Variants in LUZP2 observed in about 807,000 individuals in gnomAD.
The protein encoded by LUZP2 is leucine zipper protein 2.
In LUZP2, 52 loss-of-function variants were observed where a neutral mutation model predicts 51.6. That is an observed-to-expected ratio of 1.01 (90% CI 0.81 to 1.27). The LOEUF is 1.27. Ranked by LOEUF, LUZP2 falls within the 50% of genes most tolerant of loss-of-function variation. LUZP2 has a pLI of 0.00. For missense variants in LUZP2, 436 were observed against 395.4 expected (o/e 1.10, Z -0.87); for synonymous variants, 154 against 137.3 (o/e 1.12, Z -0.85).
intron 1 of LUZP2, among the ~76,000 whole-genome samples, chr11:24,560,625 A>C (rs1347078331): frequency 2.0e-5 from 3 of 151,806 alleles, no homozygotes; most frequent in Non-Finnish European, 2.9e-5. Context: ...ATCCCCAAAG[A>C]CTCTTTTAAA....
intron 1 of LUZP2, among the ~76,000 whole-genome samples, chr11:24,614,800 C>A (rs1274527084): frequency 1.3e-5 from 2 of 151,944 alleles, no homozygotes; most frequent in African/African-American, 2.4e-5. Context: ...GCTTTCTTTA[C>A]CTTTGTACAC....
chr11:25,061,601 G>T (rs2134040337), intron 10 of LUZP2, among the ~76,000 whole-genome samples: 1 of 152,080 alleles, frequency 6.6e-6, no homozygotes, highest in East Asian at 1.9e-4. Context: ...GCAGATCTTG[G>T]GTACTTTACT....
At chr11:24,732,852 T>A (rs1858763810) in intron 3 of LUZP2, among the ~76,000 whole-genome samples, 1 of 151,780 alleles carries the variant, frequency 6.6e-6, no homozygotes, top group Non-Finnish European at 1.5e-5. Flanking sequence ...TCTTCACAAC[T>A]ACCTTGTGAA....
intron 5 of LUZP2, among the ~76,000 whole-genome samples, chr11:24,866,312 A>G (rs930278004): frequency 1.9e-4 from 29 of 152,198 alleles, no homozygotes; most frequent in African/African-American, 6.8e-4. Flanking sequence ...AGACTGAATA[A>G]TCTCATGGGC....
chr11:25,050,446 A>G (rs972123246), intron 10 of LUZP2, among the ~76,000 whole-genome samples: 1 of 151,424 alleles, frequency 6.6e-6, no homozygotes, highest in Non-Finnish European at 1.5e-5. Context: ...CTGGGACTAC[A>G]GGCGCCCGCC....
intron 2 of LUZP2, 145 bp from the exon 3 acceptor site, chr11:24,731,973 G>T: frequency 1.9e-6 from 1 of 540,118 alleles, no homozygotes; most frequent in Non-Finnish European, 3.2e-6. Context: ...TTACATCCTT[G>T]GAGCCGTGAG....
chr11:24,822,817 A>G (rs994003519), intron 5 of LUZP2, among the ~76,000 whole-genome samples: 1 of 152,224 alleles, frequency 6.6e-6, no homozygotes. Flanking sequence ...TTTCAGTAGC[A>G]TTAATGGTGG....
intron 1 of LUZP2, among the ~76,000 whole-genome samples, chr11:24,627,657 G>A (rs1854730001): frequency 6.6e-6 from 1 of 152,134 alleles, no homozygotes; most frequent in Non-Finnish European, 1.5e-5. Flanking sequence ...ACCCACCTCT[G>A]GAAGGATTCT....
intron 1 of LUZP2, among the ~76,000 whole-genome samples, chr11:24,619,004 C>CATT (rs201800098): frequency 4.2e-3 from 558 of 133,398 alleles, no homozygotes; most frequent in South Asian, 0.011. Context: ...AACCACTTAG[C>CATT]ATTATTTATT....
intron 5 of LUZP2, among the ~76,000 whole-genome samples, chr11:24,860,187 C>T (rs945397490): frequency 1.3e-5 from 2 of 152,214 alleles, no homozygotes; most frequent in African/African-American, 4.8e-5. Flanking sequence ...CATCTGTGGT[C>T]AGAGTGCTCA....
At chr11:24,561,568 A>C (rs1852042066) in intron 1 of LUZP2, among the ~76,000 whole-genome samples, 1 of 152,170 alleles carries the variant, frequency 6.6e-6, no homozygotes, top group African/African-American at 2.4e-5. Flanking sequence ...ACCAGAACAG[A>C]GAACCAAACA....
At chr11:24,526,359 G>T (rs1160098094) in intron 1 of LUZP2, among the ~76,000 whole-genome samples, 1 of 150,424 alleles carries the variant, frequency 6.6e-6, no homozygotes, top group African/African-American at 2.4e-5. Context: ...ATTCAGTTGT[G>T]ATTCATTGAC....
intron 9 of LUZP2, among the ~76,000 whole-genome samples, chr11:25,038,318 A>G (rs1590864049): frequency 6.6e-6 from 1 of 152,276 alleles, no homozygotes; most frequent in South Asian, 2.1e-4. Flanking sequence ...TTACAGTTGT[A>G]TTATGAAATT....
At chr11:24,741,006 A>T (rs1859117935) in intron 4 of LUZP2, among the ~76,000 whole-genome samples, 1 of 152,100 alleles carries the variant, frequency 6.6e-6, no homozygotes, top group African/African-American at 2.4e-5. Context: ...TTGTTATATG[A>T]TAATATTGTG....
chr11:24,865,744 G>GTA (rs1214916107), intron 5 of LUZP2, among the ~76,000 whole-genome samples: 160 of 150,242 alleles, frequency 1.1e-3, no homozygotes, highest in African/African-American at 2.3e-3. Flanking sequence ...GTGTGTGTGT[G>GTA]TATATATATT....
intron 1 of LUZP2, among the ~76,000 whole-genome samples, chr11:24,558,923 G>A (rs913656050): frequency 6.6e-6 from 1 of 152,094 alleles, no homozygotes; most frequent in African/African-American, 2.4e-5. Context: ...ATAAATTTTG[G>A]TTGTTTATAA....
At position 24,980,644 on chromosome 11, in the gene LUZP2, G is replaced by A. The variant is rs191107732; in HGVS notation, c.598-2482G>A. ...AAACATAAAAACAACAAGATGATTT[G>A]AAATGATGGTAAGGACTAAATAAGA... On this transcript the variant is annotated intron_variant, in intron 8 of 11. Coordinates refer to ENST00000336930, the MANE Select transcript of LUZP2 (RefSeq NM_001009909.4). 2.8e-3 allele frequency among the ~76,000 whole-genome samples: 426 copies of A among 151,802 alleles called. 3 individuals carry two copies. The highest frequency in any genetic ancestry group is 9.7e-3 in the African/African-American group (401 of 41,470).
At chr11:24,932,875 G>A (rs1854495986) in intron 7 of LUZP2, among the ~76,000 whole-genome samples, 2 of 152,136 alleles carry the variant, frequency 1.3e-5, no homozygotes, top group South Asian at 2.1e-4. Flanking sequence ...AAGTACAGCT[G>A]GACGTTTCCT....
At chr11:24,697,744 A>G (rs1457263176) in intron 1 of LUZP2, among the ~76,000 whole-genome samples, 2 of 152,224 alleles carry the variant, frequency 1.3e-5, no homozygotes, top group Non-Finnish European at 2.9e-5. Context: ...TAGTTGTCTT[A>G]CTGCTCCAGA....
Sources: allele counts gnomAD v4.1 joint callset (sites outside exome capture counted in the v4.1 genomes callset), GRCh38; gene constraint gnomAD v4.1.1; transcripts MANE v1.5; gene names NCBI Gene and HGNC (gene_info 2026-07-23, HGNC 2026-07-21).